The following TTC7B variants were observed in gnomAD, a reference collection of about 807,000 sequenced individuals.
TTC7B encodes tetratricopeptide repeat protein 7B.
Under a neutral mutation model 106.8 loss-of-function variants are expected in TTC7B, and 28 were observed. That is an observed-to-expected ratio of 0.26 (90% CI 0.19 to 0.36). TTC7B has a LOEUF of 0.36. Among genes scored for constraint, TTC7B ranks in the 10% least tolerant of loss-of-function variants. The pLI is 1.00. For synonymous variants in TTC7B, 405 were observed against 430.6 expected, an observed-to-expected ratio of 0.94 and a Z score of 0.74; for missense variants, 862 against 1,076.4, an observed-to-expected ratio of 0.80 and a Z score of 2.79.
chr14:90,547,716 G>A (rs960810138), intron 19 of TTC7B, among the ~76,000 whole-genome samples: 1 of 152,208 alleles, frequency 6.6e-6, no homozygotes, highest in Non-Finnish European at 1.5e-5. Context: ...AGGATTGCTT[G>A]AGCCTGGGAG....
rs201678039 is a variant in TTC7B at position 90,767,037 on chromosome 14, AAAAAAAAAG to A, written c.445+13692_445+13700del. 6.4e-4 allele frequency: 533 copies of A among 828,590 alleles called. 5 individuals carry two copies. In the African/African-American group the frequency reaches 6.9e-3, roughly 11 times the overall value. 51.3% of individuals were successfully genotyped at this position (828,590 alleles called of 1,614,324 possible). ...TAAATAGTTTATATACCAAAAAAAA[AAAAAAAAAG>A]AAAGAAAGGAAGAAAAGAAATTCTG... is the stretch of plus-strand genomic sequence containing the variant. On this transcript the variant is annotated intron_variant, in intron 3 of 19. Transcript: ENST00000328459.
rs1889174278 is a variant in TTC7B at position 90,527,519 on chromosome 14, T to C, written c.*13849A>G. 1 of 151,904 alleles carries C rather than the reference T, an allele frequency of 6.6e-6. No individual in the cohort carries two copies. Among genetic ancestry groups the C allele is most frequent in the South Asian group, 2.1e-4 (1 of 4,824 alleles). The allele number at this position is 151,904 out of a possible 1,614,324, so 9.4% of individuals were successfully genotyped here. ...TAGTCAAAACCTTCTTTACCATTTT[T>C]ACAGACAAGGAAACTGAGATCCAGA... On this transcript the variant is annotated 3_prime_UTR_variant, in exon 20 of 20. Transcript: ENST00000328459.
In TTC7B at chr14:90,802,811, C is replaced by T. The variant is rs1286322; in HGVS notation, c.121+13364G>A. Among the ~76,000 whole-genome samples, 111,073 of 151,728 alleles carry T rather than the reference C, an allele frequency of 0.73. 41,192 individuals are homozygous for T. Among genetic ancestry groups the T allele is most frequent in the Middle Eastern group, 0.82 (242 of 294 alleles). ...ACAGGGCAGGGACACTGTCAAGCAGCGGGGTTAGAAGAGAAGGGCACACAC... is the reference window on the plus strand; with the variant it reads ...ACAGGGCAGGGACACTGTCAAGCAGTGGGGTTAGAAGAGAAGGGCACACAC... On this transcript the variant is annotated intron_variant, in intron 1 of 19. Coordinates refer to ENST00000328459, the MANE Select transcript of TTC7B (RefSeq NM_001010854.2). This position sits in a 1 kb window ranked among gnomAD's most constrained non-coding sequence, Gnocchi z 4.7.
At chr14:90,690,171 G>C (rs887056315) in intron 6 of TTC7B, among the ~76,000 whole-genome samples, 6 of 152,194 alleles carry the variant, frequency 3.9e-5, no homozygotes, top group African/African-American at 1.4e-4. Flanking sequence ...GATGTCCACT[G>C]TAGACGTCTT....
Position 90,599,064 on chromosome 14 carries a change from T to A in TTC7B, c.1967-5438A>T, listed in dbSNP as rs1429876001. Among the ~76,000 whole-genome samples, 3 of 152,152 alleles carry A rather than the reference T, an allele frequency of 2.0e-5. No individual in the cohort carries two copies. In the South Asian group the frequency reaches 6.2e-4, roughly 32 times the overall value. On this transcript the variant is annotated intron_variant, in intron 17 of 19. Coordinates refer to ENST00000328459, the MANE Select transcript of TTC7B (RefSeq NM_001010854.2). ...TACTCGGGAGGCTGAGGCAGGAGAA[T>A]CGGTTGAACCCAGGAGGTGGAGGTT...
intron 5 of TTC7B, among the ~76,000 whole-genome samples, chr14:90,722,622 C>T (rs1157646201): frequency 2.6e-5 from 4 of 152,342 alleles, no homozygotes; most frequent in Middle Eastern, 6.8e-3. Context: ...AGCTGCAATT[C>T]ATCCTGTATC....
At chr14:90,794,611 A>C (rs1891711407) in intron 1 of TTC7B, among the ~76,000 whole-genome samples, 1 of 152,118 alleles carries the variant, frequency 6.6e-6, no homozygotes. Context: ...CCTGCTAGGC[A>C]GGTAGGTATC....
chr14:90,650,534 T>A (rs1055937009), intron 13 of TTC7B, among the ~76,000 whole-genome samples: 1 of 152,008 alleles, frequency 6.6e-6, no homozygotes, highest in Admixed American at 6.5e-5. Context: ...ACACTTAAAC[T>A]CAAGCTAGGA....
chr14:90,689,446 A>G (rs1887378077), intron 7 of TTC7B, 94 bp downstream of exon 7: 1 of 1,139,320 alleles, frequency 8.8e-7, no homozygotes, highest in Non-Finnish European at 1.2e-6. Flanking sequence ...TCTTTTAAGG[A>G]AAAAATCTAC....
intron 6 of TTC7B, among the ~76,000 whole-genome samples, chr14:90,690,979 T>C (rs1887446823): frequency 6.6e-6 from 1 of 152,216 alleles, no homozygotes; most frequent in East Asian, 1.9e-4. Flanking sequence ...AAATGCACTC[T>C]GATCATCCCC....
intron 18 of TTC7B, among the ~76,000 whole-genome samples, chr14:90,579,179 T>C (rs891323191): frequency 1.8e-4 from 27 of 152,168 alleles, no homozygotes; most frequent in African/African-American, 6.3e-4. Flanking sequence ...ACCACCATCT[T>C]TCTAGTCAGC....
At chr14:90,772,095 G>T (rs147013281) in intron 3 of TTC7B, among the ~76,000 whole-genome samples, 1 of 151,030 alleles carries the variant, frequency 6.6e-6, no homozygotes, top group Non-Finnish European at 1.5e-5. Context: ...TTTTTAAATC[G>T]AAGGGATTGC....
At chr14:90,785,595 G>A (rs902648742) in intron 2 of TTC7B, among the ~76,000 whole-genome samples, 2 of 152,170 alleles carry the variant, frequency 1.3e-5, no homozygotes, top group Admixed American at 6.5e-5. Context: ...CCACGTGAGA[G>A]GGAATGGAAA....
chr14:90,679,349 C>T (rs1014390862), intron 8 of TTC7B, among the ~76,000 whole-genome samples: 7 of 152,212 alleles, frequency 4.6e-5, no homozygotes, highest in Admixed American at 6.5e-5. Context: ...TCTCTCCGCG[C>T]ATGTACGTTA....
intron 19 of TTC7B, among the ~76,000 whole-genome samples, chr14:90,574,336 TCAA>T (rs890030093): frequency 6.6e-6 from 1 of 152,236 alleles, no homozygotes; most frequent in African/African-American, 2.4e-5. Context: ...CCTCCCCTTG[TCAA>T]CAACATTACT....
In TTC7B at chr14:90,802,383, T is replaced by C. The variant is rs992044587; in HGVS notation, c.121+13792A>G. Among the ~76,000 whole-genome samples, 11 of 151,966 alleles carry C rather than the reference T, an allele frequency of 7.2e-5. No individual in the cohort carries two copies. The highest frequency in any genetic ancestry group is 1.6e-4 in the Non-Finnish European group (11 of 67,988). ...AGTGAAGGCTGTGGCAGCCCGGTCC[T>C]GAGAGGGTGAGAACGGAAGGGATTC... On this transcript the variant is annotated intron_variant, in intron 1 of 19. Coordinates refer to ENST00000328459, the MANE Select transcript of TTC7B (RefSeq NM_001010854.2). The surrounding 1 kb of genome is among the most constrained non-coding windows in gnomAD (Gnocchi z 4.7).
intron 14 of TTC7B, 52 bp from the exon 15 acceptor site, chr14:90,644,260 C>A: frequency 8.0e-7 from 1 of 1,254,926 alleles, no homozygotes; most frequent in Non-Finnish European, 1.1e-6. Context: ...TGCACACGCA[C>A]ACACACACAC....
intron 17 of TTC7B, among the ~76,000 whole-genome samples, chr14:90,607,256 C>T (rs1207296633): frequency 5.3e-5 from 8 of 152,344 alleles, no homozygotes; most frequent in Non-Finnish European, 7.3e-5. Flanking sequence ...TCTGCCTGCA[C>T]AGCGGGTGAT....
intron 13 of TTC7B, among the ~76,000 whole-genome samples, chr14:90,652,489 A>T (rs12588183): frequency 0.01 from 578 of 55,684 alleles, 8 homozygotes; most frequent in East Asian, 0.052. Flanking sequence ...TGTTTTTTTT[A>T]AAAAAAAAAA....
Sources: gnomAD v4.1 joint callset for allele counts (sites outside exome capture counted in the v4.1 genomes callset) on GRCh38, gnomAD v4.1.1 for gene constraint, Gnocchi (gnomAD v3.1) non-coding constraint, MANE v1.5 for transcripts, NCBI Gene and HGNC (gene_info 2026-07-23, HGNC 2026-07-21) for gene names.